POLR1D: variants seen among roughly 807,000 people sequenced by gnomAD.
POLR1D encodes the protein DNA-directed RNA polymerases I and III subunit RPAC2.
Under a neutral mutation model 10.8 loss-of-function variants are expected in POLR1D, and 8 were observed. The ratio of observed to expected loss-of-function variants is 0.74; its 90% confidence interval spans 0.43 to 1.33. POLR1D has a LOEUF of 1.33. Among genes scored for constraint, POLR1D ranks in the 40% most tolerant of loss-of-function variants. The probability of loss-of-function intolerance (pLI) is 0.01; values close to 1 mark genes in which losing one functional copy is unlikely to be tolerated. For missense variants in POLR1D, 152 were observed against 161.7 expected, an observed-to-expected ratio of 0.94 and a Z score of 0.32; for synonymous variants, 54 against 57.2, an observed-to-expected ratio of 0.94 and a Z score of 0.25.
At chr13:27,655,677 G>A (rs925191929) in intron 2 of POLR1D, among the ~76,000 whole-genome samples, 2 of 152,146 alleles carry the variant, frequency 1.3e-5, no homozygotes, top group Non-Finnish European at 2.9e-5. Context: ...TTATAAAGGT[G>A]CAATTTTTCA....
At chr13:27,624,689 C>G (rs1252655325), downstream of POLR1D, among the ~76,000 whole-genome samples, 1 of 152,018 alleles carries the variant, frequency 6.6e-6, no homozygotes, top group Non-Finnish European at 1.5e-5. Context: ...GAGTTTGAGA[C>G]AAGCCTGGGC....
intron 1 of POLR1D, among the ~76,000 whole-genome samples, chr13:27,644,572 A>T (rs1400395604): frequency 6.6e-6 from 1 of 152,182 alleles, no homozygotes; most frequent in Non-Finnish European, 1.5e-5. Flanking sequence ...GTGCCCAGAA[A>T]ACCGTCTGCT....
intron 1 of POLR1D, among the ~76,000 whole-genome samples, chr13:27,637,993 G>A (rs750003475): frequency 1.7e-4 from 26 of 151,936 alleles, no homozygotes; most frequent in Non-Finnish European, 3.1e-4. Context: ...TATTGTCTAC[G>A]TATATATGTA....
At chr13:27,623,664 T>TGTTA (rs3081350), downstream of POLR1D, among the ~76,000 whole-genome samples, 113,687 of 151,608 alleles carry the variant, frequency 0.75, 43,070 homozygotes, top group East Asian at 0.92. Flanking sequence ...GTTAGATTGT[T>TGTTA]GTTTAAAAAC....
At chr13:27,666,009 T>G in exon 3 of POLR1D, 4 of 1,538,876 alleles carry the variant, frequency 2.6e-6, no homozygotes, top group Non-Finnish European at 3.6e-6. Flanking sequence ...CGGGGTGCGG[T>G]GTGCGGAGAA....
At chr13:27,624,569 T>A (rs181426053), downstream of POLR1D, among the ~76,000 whole-genome samples, 1 of 152,140 alleles carries the variant, frequency 6.6e-6, no homozygotes, top group African/African-American at 2.4e-5. Context: ...ACAGAGTAAG[T>A]CCTGTTCTCA....
chr13:27,642,817 T>C (rs1045974689), intron 1 of POLR1D, among the ~76,000 whole-genome samples: 1 of 152,238 alleles, frequency 6.6e-6, no homozygotes, highest in Non-Finnish European at 1.5e-5. Flanking sequence ...AAGTAATTAT[T>C]ATCATCATTG....
intron 2 of POLR1D, among the ~76,000 whole-genome samples, chr13:27,657,953 T>C (rs1184019939): frequency 6.6e-6 from 1 of 152,178 alleles, no homozygotes; most frequent in African/African-American, 2.4e-5. Flanking sequence ...AACCGTGGCT[T>C]GCTTCTACTC....
intron 2 of POLR1D, among the ~76,000 whole-genome samples, chr13:27,649,136 C>G (rs1956245675): frequency 6.6e-6 from 1 of 152,100 alleles, no homozygotes; most frequent in South Asian, 2.1e-4. Flanking sequence ...TTTGTTGATT[C>G]TGGAATTTAT....
upstream of POLR1D, chr13:27,621,157 C>G (rs1384803819): frequency 6.5e-6 from 1 of 152,806 alleles, no homozygotes; most frequent in Non-Finnish European, 1.5e-5. Flanking sequence ...GCGGGTTCCG[C>G]AGGTGAGGAG....
downstream of POLR1D, among the ~76,000 whole-genome samples, chr13:27,626,745 C>A (rs538010911): frequency 6.6e-6 from 1 of 152,092 alleles, no homozygotes; most frequent in Non-Finnish European, 1.5e-5. Context: ...AAATATATAC[C>A]AAAGGCTTTT....
intron 2 of POLR1D, among the ~76,000 whole-genome samples, chr13:27,661,760 T>C (rs1413784544): frequency 2.0e-5 from 3 of 152,022 alleles, no homozygotes; most frequent in Non-Finnish European, 2.9e-5. Flanking sequence ...TTCTAAAGAG[T>C]TAATGTACAG....
At chr13:27,652,671 A>C (rs1470842008) in intron 2 of POLR1D, among the ~76,000 whole-genome samples, 4 of 151,924 alleles carry the variant, frequency 2.6e-5, no homozygotes, top group African/African-American at 9.7e-5. Context: ...GGAGTTTGAG[A>C]CCAGCCTCGC....
At chr13:27,648,732 G>A (rs530669332) in intron 2 of POLR1D, among the ~76,000 whole-genome samples, 37 of 152,288 alleles carry the variant, frequency 2.4e-4, no homozygotes, top group African/African-American at 7.0e-4. Flanking sequence ...ACTACTGTGC[G>A]CAAAGTCACC....
chr13:27,662,124 GA>G (rs1956370086), intron 2 of POLR1D, among the ~76,000 whole-genome samples: 4 of 152,000 alleles, frequency 2.6e-5, no homozygotes, highest in Admixed American at 1.3e-4. Context: ...CTCTGTTCTT[GA>G]TTAACTTATT....
intron 1 of POLR1D, among the ~76,000 whole-genome samples, chr13:27,631,463 A>G (rs1035859285): frequency 2.6e-5 from 4 of 152,182 alleles, no homozygotes; most frequent in Non-Finnish European, 5.9e-5. Flanking sequence ...CTTGAGAGCG[A>G]GTACATGAGG....
At chr13:27,653,409 A>G (rs569925365) in intron 2 of POLR1D, among the ~76,000 whole-genome samples, 21 of 152,356 alleles carry the variant, frequency 1.4e-4, no homozygotes, top group African/African-American at 4.8e-4. Flanking sequence ...AGCATGTTGA[A>G]AAGGGAGTAA....
chr13:27,661,111 T>A (rs1470671358), intron 2 of POLR1D, among the ~76,000 whole-genome samples: 1 of 152,214 alleles, frequency 6.6e-6, no homozygotes, highest in East Asian at 1.9e-4. Flanking sequence ...TGAGTCTTCA[T>A]CTCTCCAGTG....
chr13:27,652,353 T>C (rs1364954285), intron 2 of POLR1D, among the ~76,000 whole-genome samples: 4 of 152,204 alleles, frequency 2.6e-5, no homozygotes, highest in Non-Finnish European at 5.9e-5. Flanking sequence ...AGTTACCATG[T>C]GCACCAGACT....
Sources: allele counts gnomAD v4.1 joint callset (sites outside exome capture counted in the v4.1 genomes callset), GRCh38; gene constraint gnomAD v4.1.1; transcripts MANE v1.5; gene names NCBI Gene and HGNC (gene_info 2026-07-23, HGNC 2026-07-21).